TMEM248: variants seen among roughly 807,000 people sequenced by gnomAD.
The protein encoded by TMEM248 is transmembrane protein 248, also known as UPF0458 protein C7orf42.
A neutral mutation model predicts 30.3 loss-of-function variants in TMEM248; 9 were observed. The ratio of observed to expected loss-of-function variants is 0.30; its 90% confidence interval spans 0.18 to 0.52. TMEM248 has a LOEUF of 0.52. Ranked by LOEUF, TMEM248 falls within the 20% of genes least tolerant of loss-of-function variation. TMEM248 has a pLI of 0.97. For missense variants in TMEM248, 338 were observed against 403.3 expected (o/e 0.84, Z 1.39); for synonymous variants, 184 against 154.4 (o/e 1.19, Z -1.42).
At chr7:66,945,401 C>A in intron 3 of TMEM248, 140 bp downstream of exon 3, 1 of 903,386 alleles carries the variant, frequency 1.1e-6, no homozygotes, top group Non-Finnish European at 1.7e-6. Context: ...GTTTGAACTA[C>A]ATGAACCATT....
intron 1 of TMEM248, among the ~76,000 whole-genome samples, chr7:66,935,599 G>A (rs766111532): frequency 6.6e-6 from 1 of 152,214 alleles, no homozygotes; most frequent in Non-Finnish European, 1.5e-5. Context: ...CTGGAGTGCA[G>A]AGGCACGACG....
At chr7:66,951,167 C>T (rs776571197) in intron 5 of TMEM248, 32 bp downstream of exon 5, 66 of 1,501,734 alleles carry the variant, frequency 4.4e-5, no homozygotes, top group Admixed American at 3.4e-4. Flanking sequence ...TGTGTGTGTG[C>T]GTGCATGCAT....
At chr7:66,954,711 A>G (rs1320487982) in intron 6 of TMEM248, among the ~76,000 whole-genome samples, 2 of 152,058 alleles carry the variant, frequency 1.3e-5, no homozygotes, top group Non-Finnish European at 2.9e-5. Context: ...TCTTTTGTGT[A>G]TTTTTGGTTG....
intron 1 of TMEM248, among the ~76,000 whole-genome samples, chr7:66,940,928 G>A (rs1366720977): frequency 2.6e-5 from 4 of 151,976 alleles, no homozygotes; most frequent in African/African-American, 7.3e-5. Context: ...TAAGTGATAC[G>A]GAAGTAACAG....
chr7:66,939,268 C>T (rs1791885299), intron 1 of TMEM248, among the ~76,000 whole-genome samples: 1 of 152,170 alleles, frequency 6.6e-6, no homozygotes, highest in African/African-American at 2.4e-5. Context: ...GTACTACAGC[C>T]ACTCTTGTAC....
rs777319360 is a variant in TMEM248, at chr7:66,941,958, C to G, written c.93C>G (p.Ala31=). The change falls in exon 2 of 7, where the codon GCC becomes GCG. Residue 31 remains alanine, a synonymous_variant. Coordinates refer to ENST00000341567, the MANE Select transcript of TMEM248 (RefSeq NM_017994.5). ...VVFMISVSAM[A]IAFLTLGYFF... ...TCATGATCAGCGTAAGCGCCATGGC[C>G]ATAGCTTTCCTGACCCTGGGCTACT... The G allele has an allele frequency of 6.2e-7, 1 of 1,614,128 alleles. No homozygotes were observed. Among genetic ancestry groups the G allele is most frequent in the Non-Finnish European group, 8.5e-7 (1 of 1,180,020 alleles).
intron 1 of TMEM248, among the ~76,000 whole-genome samples, chr7:66,924,655 G>C (rs1471845556): frequency 6.6e-6 from 1 of 151,920 alleles, no homozygotes; most frequent in Non-Finnish European, 1.5e-5. Flanking sequence ...TCCGCCCACT[G>C]CGGCCTCCCA....
intron 2 of TMEM248, 98 bp from the exon 3 acceptor site, chr7:66,944,878 G>C (rs1051303121): frequency 1.6e-6 from 2 of 1,288,162 alleles, no homozygotes; most frequent in Admixed American, 1.9e-5. Context: ...GTAGTTTGCT[G>C]ATGTGCTGCG....
intron 1 of TMEM248, among the ~76,000 whole-genome samples, chr7:66,929,150 T>C: frequency 6.6e-6 from 1 of 152,218 alleles, no homozygotes. Context: ...TAATGGTTAA[T>C]GCATGGGCTC....
intron 1 of TMEM248, among the ~76,000 whole-genome samples, chr7:66,923,095 A>G (rs13238478): frequency 0.1 from 15,735 of 152,198 alleles, 987 homozygotes; most frequent in South Asian, 0.2. Flanking sequence ...CTGAATTGCC[A>G]TAGTGGTATA....
chr7:66,934,071 C>T lies in TMEM248; in HGVS notation c.-18-7777C>T, dbSNP rs9987056. Reference sequence around the variant, plus strand: ...CTCGTAACTCTTTGCAGAGGGGATACATTTATTTAGTCTTCATTAATTTCC... The same window carrying T: ...CTCGTAACTCTTTGCAGAGGGGATATATTTATTTAGTCTTCATTAATTTCC... On this transcript the variant is annotated intron_variant, in intron 1 of 6. Coordinates refer to ENST00000341567, the MANE Select transcript of TMEM248 (RefSeq NM_017994.5). 8.0e-3 allele frequency among the ~76,000 whole-genome samples: 1,220 copies of T among 151,710 alleles called. 17 individuals are homozygous for T. The highest frequency in any genetic ancestry group is 0.028 in the African/African-American group (1,172 of 41,414).
chr7:66,947,306 GAA>G (rs1792132444), intron 3 of TMEM248, among the ~76,000 whole-genome samples: 1 of 151,918 alleles, frequency 6.6e-6, no homozygotes, highest in African/African-American at 2.4e-5. Context: ...TTAGAGGTGA[GAA>G]TATTCCCATA....
In TMEM248 at chr7:66,950,937, CCTCTT is replaced by C. The variant is rs1792247481; in HGVS notation, c.597-11_597-7del. The C allele has an allele frequency of 6.5e-7, 1 of 1,542,834 alleles. No homozygotes were observed. The highest frequency in any genetic ancestry group is 1.4e-5 in the African/African-American group (1 of 72,746). ...CCACTGAGCACGTGTCTTTCCTCCT[CCTCTT>C]CTCCTGCAGACAGCCACCGCACTGT... On this transcript the variant is annotated splice_polypyrimidine_tract_variant and intron_variant, in intron 4 of 6. Transcript: ENST00000341567.
At chr7:66,950,526 T>A (rs2129225804) in intron 4 of TMEM248, among the ~76,000 whole-genome samples, 1 of 152,306 alleles carries the variant, frequency 6.6e-6, no homozygotes, top group East Asian at 1.9e-4. Context: ...TGCTGAACTG[T>A]GAGTCAATTA....
chr7:66,921,665 C>G (rs1791388464), intron 1 of TMEM248, among the ~76,000 whole-genome samples: 1 of 152,202 alleles, frequency 6.6e-6, no homozygotes, highest in Non-Finnish European at 1.5e-5. Context: ...TGGGGTTTGC[C>G]CACTCGCGTC....
rs1380780440 is a variant in TMEM248 at position 66,958,457 on chromosome 7, C to T, written c.*2935C>T. ...ATTTCACCTCTTGCTGCATGATGGT[C>T]AGTAGCTGATCTGTTATGGCATTCA... On this transcript the variant is annotated 3_prime_UTR_variant, in exon 7 of 7. Coordinates refer to ENST00000341567, the MANE Select transcript of TMEM248 (RefSeq NM_017994.5). 1 of 152,728 alleles carries T rather than the reference C, an allele frequency of 6.5e-6. No individual in the cohort carries two copies. The highest frequency in any genetic ancestry group is 2.4e-5 in the African/African-American group (1 of 41,460). 9.5% of individuals were successfully genotyped at this position (152,728 alleles called of 1,614,324 possible).
intron 1 of TMEM248, chr7:66,921,791 C>G (rs917595902): frequency 2.0e-5 from 3 of 152,232 alleles, no homozygotes; most frequent in African/African-American, 7.2e-5. Flanking sequence ...TGCCATTTTT[C>G]GGCTTTGGGG....
rs777521447 is a variant in TMEM248, at chr7:66,945,235, T to C, written c.419T>C (p.Ile140Thr). The C allele has an allele frequency of 6.2e-7, 1 of 1,613,804 alleles. No homozygotes were observed. Among genetic ancestry groups the C allele is most frequent in the East Asian group, 2.2e-5 (1 of 44,876 alleles). The change falls in exon 3 of 7, where the codon ATC becomes ACC. Residue 140 changes from isoleucine (I) to threonine (T), a missense_variant. Transcript: ENST00000341567. Reference protein sequence around the residue: ...SRNVTHLYSTILGHQIGLSGR... With the variant: ...SRNVTHLYSTTLGHQIGLSGR... Reference sequence around the variant, plus strand: ...AACGTCACCCATCTGTACTCAACCATCTTAGGGCATCAGATTGGACTTTCA... The same window carrying C: ...AACGTCACCCATCTGTACTCAACCACCTTAGGGCATCAGATTGGACTTTCA...
In TMEM248 at chr7:66,931,928, TCAAGTAG is replaced by T. The variant is rs1050306793; in HGVS notation, c.-18-9918_-18-9912del. 8.8e-5 allele frequency among the ~76,000 whole-genome samples: 13 copies of T among 147,880 alleles called. No individual in the cohort carries two copies. The East Asian group carries it at 2.7e-3, about 31-fold the overall frequency. On this transcript the variant is annotated intron_variant, in intron 1 of 6. Coordinates refer to ENST00000341567, the MANE Select transcript of TMEM248 (RefSeq NM_017994.5). ...CATGCCATTCTCCTGCCTCAGCCTC[TCAAGTAG>T]CTGGGACTACAGGCGCCCGCCACCA... is the stretch of plus-strand genomic sequence containing the variant.
Sources: gnomAD v4.1 joint callset for allele counts (sites outside exome capture counted in the v4.1 genomes callset) on GRCh38, gnomAD v4.1.1 for gene constraint, MANE v1.5 for transcripts, NCBI Gene and HGNC (gene_info 2026-07-23, HGNC 2026-07-21) for gene names.